The following ELAVL2 variants were observed in gnomAD, a reference collection of about 807,000 sequenced individuals.
The protein encoded by ELAVL2 is ELAV-like protein 2.
ELAVL2 carries 4 observed loss-of-function variants against 34.6 expected under a neutral mutation model. The observed-to-expected ratio is 0.12, with a 90% CI of 0.06 to 0.26. The LOEUF is 0.26. Ranked by LOEUF, ELAVL2 falls within the 10% of genes least tolerant of loss-of-function variation. The pLI is 1.00. For missense variants in ELAVL2, 432 were observed against 442.8 expected, an observed-to-expected ratio of 0.98 and a Z score of 0.22; for synonymous variants, 193 against 154.8, an observed-to-expected ratio of 1.25 and a Z score of -1.83.
At chr9:23,821,812 C>A (rs955606439) in intron 1 of ELAVL2, 2 of 151,542 alleles carry the variant, frequency 1.3e-5, no homozygotes, top group African/African-American at 4.8e-5. Context: ...CGGCTACTGC[C>A]TCAGTGACGC....
chr9:23,768,406 G>C (rs892822592), intron 1 of ELAVL2, among the ~76,000 whole-genome samples: 23 of 150,258 alleles, frequency 1.5e-4, no homozygotes, highest in African/African-American at 4.6e-4. Context: ...GAGACTGAAA[G>C]AGCAAATCCC....
chr9:23,759,005 T>A (rs568375443), intron 2 of ELAVL2, among the ~76,000 whole-genome samples: 1 of 152,180 alleles, frequency 6.6e-6, no homozygotes, highest in African/African-American at 2.4e-5. Flanking sequence ...AAAAATGGTA[T>A]GAAAGTTCCT....
intron 3 of ELAVL2, among the ~76,000 whole-genome samples, chr9:23,724,087 A>T (rs1423701307): frequency 6.6e-6 from 1 of 152,214 alleles, no homozygotes; most frequent in Non-Finnish European, 1.5e-5. Flanking sequence ...CATACTTTGC[A>T]TAAGTTTAAG....
chr9:23,787,292 T>C lies in ELAVL2; in HGVS notation c.-15-25043A>G, dbSNP rs556909846. Among the ~76,000 whole-genome samples the C allele has an allele frequency of 2.6e-5, 4 of 151,028 alleles. No individual in the cohort carries two copies. In the South Asian group the frequency reaches 8.4e-4, roughly 32 times the overall value. On this transcript the variant is annotated intron_variant, in intron 1 of 6. Coordinates refer to ENST00000397312, the MANE Select transcript of ELAVL2 (RefSeq NM_004432.5). ...TTTTTTTTTTGAGACGGAGTTTCGCTCTTGTCTCCCAGGCTGGAGTGCAAT... is the reference window on the plus strand; with the variant it reads ...TTTTTTTTTTGAGACGGAGTTTCGCCCTTGTCTCCCAGGCTGGAGTGCAAT...
intron 3 of ELAVL2, among the ~76,000 whole-genome samples, chr9:23,718,422 T>TCA (rs1454732295): frequency 6.6e-6 from 1 of 152,166 alleles, no homozygotes; most frequent in Non-Finnish European, 1.5e-5. Flanking sequence ...GGAAGCCAGC[T>TCA]CACTTTCTTT....
intron 3 of ELAVL2, among the ~76,000 whole-genome samples, chr9:23,727,037 C>G (rs1451357118): frequency 1.3e-5 from 2 of 152,080 alleles, no homozygotes; most frequent in African/African-American, 4.8e-5. Flanking sequence ...GAACTGTACA[C>G]ATATCACCTT....
At chr9:23,708,319 G>C (rs1164389650) in intron 3 of ELAVL2, among the ~76,000 whole-genome samples, 1 of 152,160 alleles carries the variant, frequency 6.6e-6, no homozygotes, top group Non-Finnish European at 1.5e-5. Flanking sequence ...TTTTGTCTGT[G>C]CCTCACAACA....
At chr9:23,746,530 G>A (rs1417195618) in intron 2 of ELAVL2, among the ~76,000 whole-genome samples, 1 of 152,054 alleles carries the variant, frequency 6.6e-6, no homozygotes, top group East Asian at 1.9e-4. Flanking sequence ...GAACAGAGAG[G>A]TGAGTCATCA....
chr9:23,793,646 G>A (rs2383292), intron 1 of ELAVL2, among the ~76,000 whole-genome samples: 2 of 152,022 alleles, frequency 1.3e-5, no homozygotes, highest in Non-Finnish European at 2.9e-5. Flanking sequence ...CCTGAGCTTC[G>A]TAACCTATAC....
intron 1 of ELAVL2, among the ~76,000 whole-genome samples, chr9:23,771,620 T>C (rs2057324708): frequency 6.6e-6 from 1 of 152,158 alleles, no homozygotes; most frequent in Non-Finnish European, 1.5e-5. Context: ...CACAAATCAG[T>C]AGCTTAAAAC....
intron 1 of ELAVL2, among the ~76,000 whole-genome samples, chr9:23,801,934 C>T (rs1178320365): frequency 6.6e-6 from 1 of 152,062 alleles, no homozygotes; most frequent in Non-Finnish European, 1.5e-5. Context: ...TTAGATGACA[C>T]CTCACCTCCC....
intron 2 of ELAVL2, among the ~76,000 whole-genome samples, chr9:23,756,295 T>C (rs2053541289): frequency 6.6e-6 from 1 of 152,206 alleles, no homozygotes. Context: ...TGCAAGGCAC[T>C]ACCTACTCAG....
chr9:23,792,769 T>C (rs1564488742), intron 1 of ELAVL2, among the ~76,000 whole-genome samples: 1 of 152,090 alleles, frequency 6.6e-6, no homozygotes, highest in Non-Finnish European at 1.5e-5. Context: ...CCTTTTTTCA[T>C]ATTTTTCTTT....
chr9:23,804,335 ATGAACACTT>A (rs779295005), intron 1 of ELAVL2, among the ~76,000 whole-genome samples: 7 of 152,174 alleles, frequency 4.6e-5, no homozygotes, highest in Non-Finnish European at 7.3e-5. Flanking sequence ...TAACAATTTC[ATGAACACTT>A]TGAACACTTT....
At chr9:23,807,362 T>G (rs2062373013) in intron 1 of ELAVL2, among the ~76,000 whole-genome samples, 1 of 152,148 alleles carries the variant, frequency 6.6e-6, no homozygotes, top group Non-Finnish European at 1.5e-5. Context: ...CTTTTCCAAT[T>G]GCTTAGAGTA....
intron 2 of ELAVL2, among the ~76,000 whole-genome samples, chr9:23,739,937 G>C (rs539526352): frequency 2.6e-5 from 4 of 152,204 alleles, no homozygotes; most frequent in Admixed American, 2.0e-4. Flanking sequence ...AACTATGTCA[G>C]AGTCCCTGCA....
chr9:23,722,851 A>G (rs977454687), intron 3 of ELAVL2, among the ~76,000 whole-genome samples: 2 of 152,244 alleles, frequency 1.3e-5, no homozygotes, highest in Non-Finnish European at 2.9e-5. Context: ...ATTTGTTTCA[A>G]AAGTAGATAC....
At chr9:23,776,505 G>C (rs2058213096) in intron 1 of ELAVL2, among the ~76,000 whole-genome samples, 1 of 152,044 alleles carries the variant, frequency 6.6e-6, no homozygotes, top group African/African-American at 2.4e-5. Context: ...AACTCCCCAA[G>C]GCTAGAAAAG....
At chr9:23,720,242 G>A (rs545925021) in intron 3 of ELAVL2, among the ~76,000 whole-genome samples, 8 of 149,566 alleles carry the variant, frequency 5.3e-5, no homozygotes, top group East Asian at 4.0e-4. Context: ...GTGTAATCTC[G>A]GCTCACAGCA....
Sources: allele counts gnomAD v4.1 joint callset (sites outside exome capture counted in the v4.1 genomes callset), GRCh38; gene constraint gnomAD v4.1.1; transcripts MANE v1.5; gene names NCBI Gene and HGNC (gene_info 2026-07-23, HGNC 2026-07-21).